The following UBA2 variants were observed in gnomAD, a reference collection of about 807,000 sequenced individuals.
UBA2 encodes the protein ubiquitin like modifier activating enzyme 2.
In UBA2, 11 loss-of-function variants were observed where a neutral mutation model predicts 77.2. That is an observed-to-expected ratio of 0.14 (90% confidence interval 0.09 to 0.24). The LOEUF is 0.24. UBA2 is among the 10% of genes least tolerant of loss of function. The probability of loss-of-function intolerance (pLI) is 1.00; values close to 1 mark genes in which losing one functional copy is unlikely to be tolerated. For missense variants in UBA2, 487 were observed against 781.7 expected (o/e 0.62, Z 4.50); for synonymous variants, 278 against 276.7 (o/e 1.00, Z -0.05).
Position 34,445,027 on chromosome 19 carries a change from C to G in UBA2, c.677C>G (p.Ala226Gly). The G allele has an allele frequency of 6.2e-7, 1 of 1,613,744 alleles. No individual in the cohort carries two copies. Among genetic ancestry groups the G allele is most frequent in the Non-Finnish European group, 8.5e-7 (1 of 1,179,858 alleles). Residue 226 changes from alanine to glycine, a missense_variant, in exon 8 of 17, where the codon GCT becomes GGT. Ala to Gly is a moderately conservative substitution (Grantham distance 60). Around this residue, in one of 9 missense-constraint regions of UBA2, gnomAD observed 300 missense variants for 454.3 expected, o/e 0.66. Coordinates refer to ENST00000246548, the MANE Select transcript of UBA2 (RefSeq NM_005499.3). ...AWEPTEAEAR[A>G]RASNEDGDIK... is the part of the protein sequence containing the mutation. ...GAACCAACGGAAGCCGAAGCCAGAGCTAGAGCATCTAATGAAGATGGTGAC... is the reference window on the plus strand; with the variant it reads ...GAACCAACGGAAGCCGAAGCCAGAGGTAGAGCATCTAATGAAGATGGTGAC...
At chr19:34,458,999 TGATTCTGAAAA>T in intron 13 of UBA2, 75 bp downstream of exon 13, 1 of 1,432,018 alleles carries the variant, frequency 7.0e-7, no homozygotes. Context: ...CACTAGCTGC[TGATTCTGAAAA>T]GGTCCAACTG....
At chr19:34,455,302 G>A (rs1386149125) in intron 12 of UBA2, among the ~76,000 whole-genome samples, 1 of 152,104 alleles carries the variant, frequency 6.6e-6, no homozygotes, top group Non-Finnish European at 1.5e-5. Context: ...TCATTTTTAT[G>A]GAGAAAGTAT....
chr19:34,459,990 A>C (rs993679782), intron 13 of UBA2, among the ~76,000 whole-genome samples: 4 of 152,162 alleles, frequency 2.6e-5, no homozygotes, highest in African/African-American at 9.7e-5. Context: ...ACCTATAGAG[A>C]GTTCCTCCTT....
At chr19:34,432,000 C>T (rs1334817885) in intron 3 of UBA2, 69 bp downstream of exon 3, 1 of 1,164,674 alleles carries the variant, frequency 8.6e-7, no homozygotes, top group Non-Finnish European at 1.2e-6. Context: ...AGCTCAAAGT[C>T]ATTCAGCTTT....
At chr19:34,463,110 A>AT (rs1351788804) in intron 14 of UBA2, among the ~76,000 whole-genome samples, 1 of 151,708 alleles carries the variant, frequency 6.6e-6, no homozygotes, top group African/African-American at 2.4e-5. Flanking sequence ...AAAAAAAAAA[A>AT]GAAAGAAAAT....
At chr19:34,430,443 T>C (rs1298574767) in intron 1 of UBA2, 133 bp from the exon 2 acceptor site, 1 of 513,048 alleles carries the variant, frequency 1.9e-6, no homozygotes. Context: ...AATTTTGGTA[T>C]GGCGATTCGA....
intron 8 of UBA2, among the ~76,000 whole-genome samples, chr19:34,446,079 A>G (rs2075427105): frequency 6.6e-6 from 1 of 151,934 alleles, no homozygotes; most frequent in Non-Finnish European, 1.5e-5. Context: ...GCAGATCTCA[A>G]ACTCCTGGTT....
In UBA2 at chr19:34,453,231, T is replaced by G. The variant is rs141853949; in HGVS notation, c.1039-1029T>G. On this transcript the variant is annotated intron_variant, in intron 10 of 16. Transcript: ENST00000246548. ...TGCCTGAGGATTCACAGCCAGCCAATAAATACATAAAGAACTATGCTCTCA... is the reference window on the plus strand; with the variant it reads ...TGCCTGAGGATTCACAGCCAGCCAAGAAATACATAAAGAACTATGCTCTCA... 1.2e-3 allele frequency among the ~76,000 whole-genome samples: 183 copies of G among 152,346 alleles called. 1 individual carries two copies. Among genetic ancestry groups the G allele is most frequent in the African/African-American group, 4.2e-3 (174 of 41,586 alleles).
rs147843395 is a variant in UBA2 at position 34,450,426 on chromosome 19, G to GT, written c.871+63dup. On this transcript the variant is annotated intron_variant, in intron 9 of 16. Transcript: ENST00000246548. ...GGAAATATCCTCGCGTAAAGTCTTT[G>GT]TATAGCCCTGTTGTTGCTTGAAAAT... 26 of 1,147,424 alleles carry GT rather than the reference G, an allele frequency of 2.3e-5. No homozygotes were observed. In the East Asian group the frequency reaches 5.9e-4, roughly 26 times the overall value. The allele number at this position is 1,147,424 out of a possible 1,614,324, so 71.1% of individuals were successfully genotyped here. A position where few individuals can be genotyped will look rare whatever the true frequency, so the allele number is the denominator to read the frequency against.
At chr19:34,458,529 C>G (rs527671621) in intron 12 of UBA2, among the ~76,000 whole-genome samples, 2 of 133,156 alleles carry the variant, frequency 1.5e-5, no homozygotes, top group East Asian at 4.4e-4. Flanking sequence ...CCACTGCACT[C>G]CAGCCTGGGC....
intron 7 of UBA2, 69 bp from the exon 8 acceptor site, chr19:34,444,931 A>G: frequency 6.7e-7 from 1 of 1,500,258 alleles, no homozygotes; most frequent in Non-Finnish European, 9.0e-7. Flanking sequence ...TTTTATTCCC[A>G]AAGGTGAGTG....
intron 13 of UBA2, 120 bp downstream of exon 13, chr19:34,459,044 C>A: frequency 8.8e-7 from 1 of 1,134,978 alleles, no homozygotes; most frequent in Non-Finnish European, 1.2e-6. Flanking sequence ...CTGTGATTTC[C>A]TGGGTTATTT....
intron 16 of UBA2, among the ~76,000 whole-genome samples, chr19:34,467,357 C>A (rs1301258420): frequency 6.6e-6 from 1 of 151,556 alleles, no homozygotes; most frequent in African/African-American, 2.4e-5. Context: ...CTGTAGTCTC[C>A]GCTACTCAGG....
rs752209821 is a variant in UBA2, at chr19:34,452,001, G to C, written c.892G>C (p.Asp298His). Residue 298 changes from aspartate (D) to histidine (H), a missense_variant, in exon 10 of 17, where the codon GAT becomes CAT. This residue lies in a region of UBA2 where 300 missense variants were observed against 454.3 expected (regional missense o/e 0.66). Coordinates refer to ENST00000246548, the MANE Select transcript of UBA2 (RefSeq NM_005499.3). The part of the protein sequence containing the change: ...QSQGEETNAS[D>H]QQNEPQLGLK... ...TTTAGGAGAAGAAACGAATGCATCA[G>C]ATCAACAGAATGAACCCCAGTTAGG... 20 of 1,587,188 alleles carry C rather than the reference G, an allele frequency of 1.3e-5. No individual in the cohort carries two copies. Among genetic ancestry groups the C allele is most frequent in the Non-Finnish European group, 1.7e-5 (20 of 1,166,512 alleles).
intron 6 of UBA2, among the ~76,000 whole-genome samples, chr19:34,439,133 A>G (rs186164464): frequency 6.6e-6 from 1 of 151,178 alleles, no homozygotes; most frequent in Admixed American, 6.6e-5. Context: ...GCTTGAACCC[A>G]GGAGGTGGAG....
chr19:34,432,027 TTTCTAGAATTATTAAACAGTGGTGG>T (rs1453057211), intron 3 of UBA2, 96 bp downstream of exon 3: 32 of 952,172 alleles, frequency 3.4e-5, no homozygotes, highest in Non-Finnish European at 4.6e-5. Context: ...AAAAATGATT[TTTCTAGAATTATTAAACAGTGGTGG>T]TTTCTGCTTA....
In UBA2 at chr19:34,454,307, G is replaced by A; in HGVS notation, c.1086G>A (p.Arg362=). 1.2e-6 allele frequency: 2 copies of A among 1,613,066 alleles called. No homozygotes were observed. The highest frequency in any genetic ancestry group is 2.2e-5 in the South Asian group (2 of 90,824). Residue 362 remains arginine (R), a synonymous_variant, in exon 11 of 17, where the codon AGG becomes AGA. Transcript: ENST00000246548. ...MDFVTSAANL[R]MHIFSMNMKS... Reference sequence around the variant, plus strand: ...TTGTCACCTCTGCTGCAAACCTCAGGATGCATATTTTCAGTATGAATATGA... The same window carrying A: ...TTGTCACCTCTGCTGCAAACCTCAGAATGCATATTTTCAGTATGAATATGA...
chr19:34,446,608 CTTTCTTTTTT>C (rs2075433920), intron 8 of UBA2, among the ~76,000 whole-genome samples: 2 of 145,196 alleles, frequency 1.4e-5, no homozygotes, highest in East Asian at 3.9e-4. Context: ...TTTTTTTTTT[CTTTCTTTTTT>C]TTTTTTTTTG....
intron 1 of UBA2, chr19:34,429,069 C>G: frequency 3.0e-6 from 3 of 985,168 alleles, no homozygotes; most frequent in Non-Finnish European, 3.6e-6. Flanking sequence ...CATCTTCATA[C>G]CACCCGAGGA....
Sources: gnomAD v4.1 joint callset for allele counts (sites outside exome capture counted in the v4.1 genomes callset) on GRCh38, gnomAD v4.1.1 for gene constraint, gnomAD v4.1.1 regional missense constraint, MANE v1.5 for transcripts, NCBI Gene and HGNC (gene_info 2026-07-23, HGNC 2026-07-21) for gene names.